MB21D2: variants seen among roughly 807,000 people sequenced by gnomAD.
MB21D2 encodes the protein Mab-21 domain containing 2.
Under a neutral mutation model 33.3 loss-of-function variants are expected in MB21D2, and 9 were observed. That is an observed-to-expected ratio of 0.27 (90% CI 0.16 to 0.47). The LOEUF is 0.47. MB21D2 is among the 20% of genes least tolerant of loss of function. MB21D2 has a pLI of 0.99. For missense variants in MB21D2, 540 were observed against 624.6 expected (o/e 0.86, Z 1.44); for synonymous variants, 241 against 236.3 (o/e 1.02, Z -0.18).
At chr3:192,834,254 T>A (rs1712382404) in intron 1 of MB21D2, among the ~76,000 whole-genome samples, 1 of 151,490 alleles carries the variant, frequency 6.6e-6, no homozygotes, top group South Asian at 2.1e-4. Context: ...GAAGTGGAAG[T>A]TGCAGTGAGC....
chr3:192,885,897 T>C (rs760292131), intron 1 of MB21D2, among the ~76,000 whole-genome samples: 4 of 152,106 alleles, frequency 2.6e-5, no homozygotes, highest in Non-Finnish European at 5.9e-5. Flanking sequence ...CCCACACACA[T>C]CACAAATGGC....
At chr3:192,850,919 G>A (rs1712788398) in intron 1 of MB21D2, among the ~76,000 whole-genome samples, 1 of 152,216 alleles carries the variant, frequency 6.6e-6, no homozygotes, top group African/African-American at 2.4e-5. Flanking sequence ...GACTCACAGT[G>A]TGTGGCGGGA....
chr3:192,844,587 A>G (rs1712642719), intron 1 of MB21D2, among the ~76,000 whole-genome samples: 1 of 152,216 alleles, frequency 6.6e-6, no homozygotes, highest in Non-Finnish European at 1.5e-5. Context: ...ATGTCTCCTG[A>G]TATCTCTCCC....
chr3:192,830,741 G>A (rs1712297835), intron 1 of MB21D2, among the ~76,000 whole-genome samples: 1 of 152,192 alleles, frequency 6.6e-6, no homozygotes. Flanking sequence ...TGGCCCAGGA[G>A]CAAAGGCATC....
At chr3:192,875,651 G>A (rs1015683569) in intron 1 of MB21D2, among the ~76,000 whole-genome samples, 2 of 152,270 alleles carry the variant, frequency 1.3e-5, no homozygotes, top group South Asian at 4.1e-4. Flanking sequence ...TACAAATGGA[G>A]TACTAAATTT....
At chr3:192,893,607 T>C (rs1713901285) in intron 1 of MB21D2, among the ~76,000 whole-genome samples, 1 of 152,174 alleles carries the variant, frequency 6.6e-6, no homozygotes, top group Non-Finnish European at 1.5e-5. Context: ...TCCTTAACAA[T>C]TCTCAGCACT....
chr3:192,914,617 A>G (rs1714422914), intron 1 of MB21D2, among the ~76,000 whole-genome samples: 4 of 152,154 alleles, frequency 2.6e-5, no homozygotes, highest in African/African-American at 9.7e-5. Context: ...GCTCTCAAAT[A>G]TTAACTAGAT....
chr3:192,903,376 T>G (rs565336425), intron 1 of MB21D2, among the ~76,000 whole-genome samples: 1 of 152,366 alleles, frequency 6.6e-6, no homozygotes, highest in East Asian at 1.9e-4. Context: ...TCAAGCCACC[T>G]AATTTTCGAG....
intron 1 of MB21D2, among the ~76,000 whole-genome samples, chr3:192,898,811 G>T (rs1188223521): frequency 6.6e-6 from 1 of 152,232 alleles, no homozygotes; most frequent in Admixed American, 6.5e-5. Flanking sequence ...AATTTGACCT[G>T]TTCTAGGCTG....
At chr3:192,806,801 T>C (rs1013610090) in intron 1 of MB21D2, among the ~76,000 whole-genome samples, 3 of 152,210 alleles carry the variant, frequency 2.0e-5, no homozygotes, top group African/African-American at 7.2e-5. Flanking sequence ...TTATTTTCCT[T>C]CTTAAAAATT....
At chr3:192,914,834 G>A (rs1714428382) in intron 1 of MB21D2, among the ~76,000 whole-genome samples, 1 of 152,120 alleles carries the variant, frequency 6.6e-6, no homozygotes, top group African/African-American at 2.4e-5. Context: ...TGATAAGACA[G>A]TGGAGTGTCT....
intron 1 of MB21D2, among the ~76,000 whole-genome samples, chr3:192,861,241 C>T (rs1452502013): frequency 6.6e-6 from 1 of 152,226 alleles, no homozygotes; most frequent in Non-Finnish European, 1.5e-5. Flanking sequence ...GAGTTACCAT[C>T]TCCAAGTCCC....
At chr3:192,917,559 C>T in intron 1 of MB21D2, 71 bp downstream of exon 1, 2 of 1,535,086 alleles carry the variant, frequency 1.3e-6, no homozygotes, top group South Asian at 1.1e-5. Context: ...CGAGAAGCGG[C>T]AATGGGTTTT....
At chr3:192,902,060 C>A (rs1184426006) in intron 1 of MB21D2, among the ~76,000 whole-genome samples, 1 of 152,156 alleles carries the variant, frequency 6.6e-6, no homozygotes, top group African/African-American at 2.4e-5. Flanking sequence ...GAGATTTCAT[C>A]CAGGACTTTT....
intron 1 of MB21D2, among the ~76,000 whole-genome samples, chr3:192,883,256 A>AG (rs201053709): frequency 0.013 from 1,929 of 152,116 alleles, 57 homozygotes; most frequent in African/African-American, 0.045. Flanking sequence ...TCTTTGAACC[A>AG]CTTTAGCTTC....
intron 1 of MB21D2, among the ~76,000 whole-genome samples, chr3:192,891,639 C>G (rs1205611285): frequency 6.6e-6 from 1 of 152,106 alleles, no homozygotes; most frequent in Admixed American, 6.5e-5. Flanking sequence ...AGCAAACAGC[C>G]AATACATGTT....
intron 1 of MB21D2, among the ~76,000 whole-genome samples, chr3:192,839,918 C>T (rs1032296950): frequency 1.3e-5 from 2 of 152,104 alleles, no homozygotes; most frequent in Admixed American, 6.6e-5. Flanking sequence ...CAAAAAATTC[C>T]GTTTTAGGGA....
intron 1 of MB21D2, among the ~76,000 whole-genome samples, chr3:192,850,906 T>C (rs993544673): frequency 6.6e-6 from 1 of 152,242 alleles, no homozygotes; most frequent in African/African-American, 2.4e-5. Flanking sequence ...TCTTCTATCC[T>C]GTGACTCACA....
chr3:192,854,559 G>A (rs972279455), intron 1 of MB21D2, among the ~76,000 whole-genome samples: 3 of 152,226 alleles, frequency 2.0e-5, no homozygotes, highest in South Asian at 2.1e-4. Flanking sequence ...TAAAATAACC[G>A]ATGAAGGTAG....
Sources: allele counts gnomAD v4.1 joint callset (sites outside exome capture counted in the v4.1 genomes callset), GRCh38; gene constraint gnomAD v4.1.1; transcripts MANE v1.5; gene names NCBI Gene and HGNC (gene_info 2026-07-23, HGNC 2026-07-21).